UBE2Q2: variants seen among roughly 807,000 people sequenced by gnomAD.
UBE2Q2 encodes the protein ubiquitin conjugating enzyme E2 Q2.
A neutral mutation model predicts 59.9 loss-of-function variants in UBE2Q2; 54 were observed. That is an observed-to-expected ratio of 0.90 (90% confidence interval 0.72 to 1.13). The LOEUF (loss-of-function observed/expected upper bound fraction) is 1.13. Ranked by LOEUF, UBE2Q2 falls within the 50% of genes most tolerant of loss-of-function variation. UBE2Q2 has a pLI of 0.00. For missense variants in UBE2Q2, 433 were observed against 441.9 expected (o/e 0.98, Z 0.18); for synonymous variants, 165 against 155.2 (o/e 1.06, Z -0.47).
At chr15:75,851,597 G>GGCCT (rs1296437063) in intron 1 of UBE2Q2, among the ~76,000 whole-genome samples, 1 of 151,988 alleles carries the variant, frequency 6.6e-6, no homozygotes, top group Non-Finnish European at 1.5e-5. Flanking sequence ...AATTTATTAT[G>GGCCT]GCCTGTCTGT....
At position 75,863,505 on chromosome 15, in the gene UBE2Q2, G is replaced by A. The variant is rs528134333; in HGVS notation, c.387+3523G>A. On this transcript the variant is annotated intron_variant, in intron 3 of 12. Transcript: ENST00000267938. ...GTCGCCCAGGGTGGAGTGCAGTGGC[G>A]CGATCTCAACTCACTGCAACCTCTG... Among the ~76,000 whole-genome samples, 9 of 150,872 alleles carry A rather than the reference G, an allele frequency of 6.0e-5. No homozygotes were observed. In the South Asian group the frequency reaches 8.4e-4, roughly 14 times the overall value.
At chr15:75,878,624 A>AGTTGGG (rs1898216775) in intron 7 of UBE2Q2, among the ~76,000 whole-genome samples, 1 of 146,790 alleles carries the variant, frequency 6.8e-6, no homozygotes, top group African/African-American at 2.6e-5. Context: ...AAAAAAAAAA[A>AGTTGGG]AAAGTTGGGG....
At chr15:75,875,989 A>T (rs1898054828) in intron 5 of UBE2Q2, among the ~76,000 whole-genome samples, 198 bp from the exon 6 acceptor site, 1 of 146,522 alleles carries the variant, frequency 6.8e-6, no homozygotes. Flanking sequence ...TCTCTTGAGC[A>T]GGGAGGCGGA....
At chr15:75,860,345 A>G (rs1158367304) in intron 3 of UBE2Q2, among the ~76,000 whole-genome samples, 1 of 152,190 alleles carries the variant, frequency 6.6e-6, no homozygotes, top group African/African-American at 2.4e-5. Context: ...GACTAAACCA[A>G]ATGTTATCTC....
At chr15:75,877,563 A>G (rs1898156838) in intron 6 of UBE2Q2, among the ~76,000 whole-genome samples, 1 of 152,172 alleles carries the variant, frequency 6.6e-6, no homozygotes, top group Admixed American at 6.5e-5. Flanking sequence ...AAGATTGTGA[A>G]TAGGTTTATG....
chr15:75,862,152 G>A lies in UBE2Q2; in HGVS notation c.387+2170G>A, dbSNP rs192837503. Among the ~76,000 whole-genome samples, 32 of 152,284 alleles carry A rather than the reference G, an allele frequency of 2.1e-4. No individual in the cohort carries two copies. In the East Asian group the frequency reaches 5.4e-3, roughly 26 times the overall value. ...TTTCTACCAAATTCTGTAGGTTAAA[G>A]TGAGTCTCAGGGCCAACCCAGACTC... On this transcript the variant is annotated intron_variant, in intron 3 of 12. Transcript: ENST00000267938.
intron 2 of UBE2Q2, among the ~76,000 whole-genome samples, chr15:75,855,635 G>C (rs1896864901): frequency 6.6e-6 from 1 of 152,010 alleles, no homozygotes; most frequent in Admixed American, 6.6e-5. Context: ...TAAGATTACT[G>C]GTTGAAAGCT....
intron 2 of UBE2Q2, among the ~76,000 whole-genome samples, chr15:75,857,846 T>C (rs1896997742): frequency 1.3e-5 from 2 of 152,252 alleles, no homozygotes; most frequent in African/African-American, 4.8e-5. Context: ...CATAAAATAT[T>C]GTGTATAATT....
intron 3 of UBE2Q2, among the ~76,000 whole-genome samples, chr15:75,868,174 C>G (rs1431567401): frequency 1.3e-5 from 2 of 152,130 alleles, no homozygotes; most frequent in African/African-American, 4.8e-5. Flanking sequence ...ATCTCTGGAT[C>G]CTGGTTTCGT....
At chr15:75,857,326 AT>A (rs1041478499) in intron 2 of UBE2Q2, among the ~76,000 whole-genome samples, 2 of 152,202 alleles carry the variant, frequency 1.3e-5, no homozygotes, top group Non-Finnish European at 2.9e-5. Flanking sequence ...AAAATGAGTT[AT>A]TTTTCAGTAT....
At chr15:75,872,977 G>A (rs1349608764) in intron 4 of UBE2Q2, among the ~76,000 whole-genome samples, 1 of 152,090 alleles carries the variant, frequency 6.6e-6, no homozygotes, top group African/African-American at 2.4e-5. Context: ...TGCAGATTTT[G>A]TGTTTATTTT....
chr15:75,895,979 G>T (rs1225955698), intron 11 of UBE2Q2, among the ~76,000 whole-genome samples: 1 of 152,176 alleles, frequency 6.6e-6, no homozygotes, highest in Non-Finnish European at 1.5e-5. Flanking sequence ...ATAGGGGACT[G>T]ATTAAATATT....
At chr15:75,897,623 A>G (rs1403205565) in intron 12 of UBE2Q2, among the ~76,000 whole-genome samples, 1 of 150,588 alleles carries the variant, frequency 6.6e-6, no homozygotes, top group Non-Finnish European at 1.5e-5. Context: ...TAGTAGATTA[A>G]TGAATGACTC....
At chr15:75,891,553 A>T (rs1350714484) in intron 11 of UBE2Q2, among the ~76,000 whole-genome samples, 1 of 150,114 alleles carries the variant, frequency 6.7e-6, no homozygotes, top group Non-Finnish European at 1.5e-5. Context: ...TGCTATTATT[A>T]TCTGCATTTT....
chr15:75,895,672 A>G (rs1307794951), intron 11 of UBE2Q2, among the ~76,000 whole-genome samples: 1 of 152,168 alleles, frequency 6.6e-6, no homozygotes, highest in Non-Finnish European at 1.5e-5. Flanking sequence ...CTCAATAGAA[A>G]TACAAATCAA....
intron 9 of UBE2Q2, among the ~76,000 whole-genome samples, chr15:75,888,057 A>C (rs1699277): frequency 0.98 from 149,155 of 152,268 alleles, 73,124 homozygotes; most frequent in East Asian, 1. Context: ...TTATTTCTTG[A>C]CATAGCCAAA....
At chr15:75,893,566 C>A (rs1478869131) in intron 11 of UBE2Q2, among the ~76,000 whole-genome samples, 1 of 152,132 alleles carries the variant, frequency 6.6e-6, no homozygotes, top group African/African-American at 2.4e-5. Flanking sequence ...ATTTGAACAA[C>A]CAGTGAACAG....
At chr15:75,868,616 C>A (rs538928935) in intron 3 of UBE2Q2, among the ~76,000 whole-genome samples, 1 of 152,176 alleles carries the variant, frequency 6.6e-6, no homozygotes, top group African/African-American at 2.4e-5. Context: ...AGCCATTGAT[C>A]TTATGCATAT....
At chr15:75,866,004 T>C (rs1897453798) in intron 3 of UBE2Q2, among the ~76,000 whole-genome samples, 1 of 152,222 alleles carries the variant, frequency 6.6e-6, no homozygotes, top group Admixed American at 6.5e-5. Context: ...TCTAAGTTCA[T>C]AATTGAGTCT....
Sources: gnomAD v4.1 joint callset for allele counts (sites outside exome capture counted in the v4.1 genomes callset) on GRCh38, gnomAD v4.1.1 for gene constraint, MANE v1.5 for transcripts, NCBI Gene and HGNC (gene_info 2026-07-23, HGNC 2026-07-21) for gene names.